The following AQP1 variants were observed in gnomAD, a reference collection of about 807,000 sequenced individuals.
AQP1 encodes aquaporin 1 (Colton blood group).
In AQP1, 11 loss-of-function variants were observed where a neutral mutation model predicts 19.7. The ratio of observed to expected loss-of-function variants is 0.56; its 90% CI spans 0.35 to 0.92. The LOEUF (loss-of-function observed/expected upper bound fraction) is 0.92. Ranked by LOEUF, AQP1 falls within the 40% of genes least tolerant of loss-of-function variation. The pLI, the probability that AQP1 is intolerant of heterozygous loss-of-function variation, is 0.01. For synonymous variants in AQP1, 159 were observed against 166.7 expected, an observed-to-expected ratio of 0.95 and a Z score of 0.36; for missense variants, 320 against 369.7, an observed-to-expected ratio of 0.87 and a Z score of 1.10.
At position 30,919,123 on chromosome 7, in the gene AQP1, G is replaced by C. The variant is rs572754303; in HGVS notation, c.385-2943G>C. On this transcript the variant is annotated intron_variant, in intron 1 of 3. Transcript: ENST00000311813. ...CAAGGGTGGGAGTTCTAGAAAATTA[G>C]CATTCTCTGCCACTTCTATCAGCAC... Among the ~76,000 whole-genome samples the C allele has an allele frequency of 3.3e-4, 51 of 152,326 alleles. 1 individual carries two copies. The East Asian group carries it at 9.3e-3, about 28-fold the overall frequency.
rs1179098928 is a variant in AQP1, at chr7:30,923,689, G to GA, written c.*61dup. The GA allele has an allele frequency of 6.6e-7, 1 of 1,521,060 alleles. No individual in the cohort carries two copies. Among genetic ancestry groups the GA allele is most frequent in the Non-Finnish European group, 8.8e-7 (1 of 1,132,574 alleles). The allele number at this position is 1,521,060 out of a possible 1,614,324, so 94.2% of individuals were successfully genotyped here. ...GGGGCAGGGGCGGGCGGAGGGAGGG[G>GA]AGGGGTGAAATCCATACTGTAGACA... is the stretch of plus-strand genomic sequence containing the variant. On this transcript the variant is annotated 3_prime_UTR_variant, in exon 4 of 4. Transcript: ENST00000311813. This position sits in a 1 kb window ranked among gnomAD's most constrained non-coding sequence, Gnocchi z 4.8.
In AQP1 at chr7:30,912,388, G is replaced by A. The variant is rs906845763; in HGVS notation, c.384+95G>A. Reference sequence around the variant, plus strand: ...CCCATTGTGCAGATGGGGACACTGAGGAACGGAGAGGACAAGAGGTTGCTG... The same window carrying A: ...CCCATTGTGCAGATGGGGACACTGAAGAACGGAGAGGACAAGAGGTTGCTG... On this transcript the variant is annotated intron_variant, in intron 1 of 3. Transcript: ENST00000311813. This position sits in a 1 kb window ranked among gnomAD's most constrained non-coding sequence, Gnocchi z 4.3. 2.0e-6 allele frequency: 3 copies of A among 1,524,026 alleles called. No homozygotes were observed. The highest frequency in any genetic ancestry group is 1.2e-5 in the South Asian group (1 of 80,756). The allele number at this position is 1,524,026 out of a possible 1,614,324, so 94.4% of individuals were successfully genotyped here.
chr7:30,917,196 A>C (rs1244433727), intron 1 of AQP1, among the ~76,000 whole-genome samples: 1 of 152,212 alleles, frequency 6.6e-6, no homozygotes, highest in African/African-American at 2.4e-5. Flanking sequence ...CAAAGTGTAC[A>C]CACATGGCAC....
At position 30,922,568 on chromosome 7, in the gene AQP1, A is replaced by G; in HGVS notation, c.554A>G (p.Asp185Gly). 6.2e-7 allele frequency: 1 copy of G among 1,613,798 alleles called. No individual in the cohort carries two copies. Among genetic ancestry groups the G allele is most frequent in the Non-Finnish European group, 8.5e-7 (1 of 1,179,878 alleles). Reference protein sequence around the residue: ...SVALGHLLAIDYTGCGINPAR... With the variant: ...SVALGHLLAIGYTGCGINPAR... ...CTCTGTTTCTTTCCCTCACAGATTG[A>G]CTACACTGGCTGTGGGATTAACCCT... Residue 185 changes from aspartate (D) to glycine (G), a missense_variant, in exon 3 of 4, where the codon GAC becomes GGC. By Grantham distance (94) the Asp-to-Gly change is moderately conservative. Coordinates refer to ENST00000311813, the MANE Select transcript of AQP1 (RefSeq NM_198098.4).
At position 30,920,131 on chromosome 7, in the gene AQP1, T is replaced by G. The variant is rs948329017; in HGVS notation, c.385-1935T>G. ...AGAACCAGAGGAGATGAGCTCTTTC[T>G]GGTCACATCTGTGAGGGATGGGGCT... On this transcript the variant is annotated intron_variant, in intron 1 of 3. Transcript: ENST00000311813. Among the ~76,000 whole-genome samples the G allele has an allele frequency of 2.6e-5, 4 of 152,282 alleles. No homozygotes were observed. The East Asian group carries it at 7.7e-4, about 29-fold the overall frequency.
chr7:30,921,192 G>A (rs2128590404), intron 1 of AQP1: 3 of 886,280 alleles, frequency 3.4e-6, no homozygotes, highest in East Asian at 1.5e-4. Context: ...CATAGTGGAA[G>A]GTGCTGGGGC....
Position 30,922,229 on chromosome 7 carries a change from C to G in AQP1, c.548C>G (p.Ala183Gly). 1 of 1,595,058 alleles carries G rather than the reference C, an allele frequency of 6.3e-7. No individual in the cohort carries two copies. The highest frequency in any genetic ancestry group is 1.1e-5 in the South Asian group (1 of 90,052). ...TCTGTAGCCCTTGGACACCTCCTGG[C>G]TGTGAGTCAGGGGCCCTCCCAGATG... is the stretch of plus-strand genomic sequence containing the variant. ...GLSVALGHLL[A>G]IDYTGCGINP... Residue 183 changes from alanine (A) to glycine (G), a missense_variant and splice_region_variant, in exon 2 of 4, where the codon GCT becomes GGT. Transcript: ENST00000311813.
At chr7:30,915,423 G>A (rs1395877768) in intron 1 of AQP1, among the ~76,000 whole-genome samples, 10 of 152,182 alleles carry the variant, frequency 6.6e-5, no homozygotes, top group Non-Finnish European at 1.5e-4. Flanking sequence ...AGGAGGTTTC[G>A]TAGGAGCCTG....
rs755354795 is a variant in AQP1, at chr7:30,911,929, A to G, written c.20A>G (p.Lys7Arg). Reference protein sequence around the residue: MASEFKKKLFWRAVVAE... With the variant: MASEFKRKLFWRAVVAE... ...GCCAGCATGGCCAGCGAGTTCAAGAAGAAGCTCTTCTGGAGGGCAGTGGTG... is the reference window on the plus strand; with the variant it reads ...GCCAGCATGGCCAGCGAGTTCAAGAGGAAGCTCTTCTGGAGGGCAGTGGTG... The change falls in exon 1 of 4, where the codon AAG (lysine) becomes AGG (arginine). Residue 7 changes from lysine to arginine, a missense_variant. Physicochemically the swap from Lys to Arg is conservative, Grantham distance 26. Coordinates refer to ENST00000311813, the MANE Select transcript of AQP1 (RefSeq NM_198098.4). 5.0e-6 allele frequency: 8 copies of G among 1,613,360 alleles called. No individual in the cohort carries two copies. In the South Asian group the frequency reaches 8.8e-5, roughly 18 times the overall value.
rs777773161 is a variant in AQP1, at chr7:30,911,952, G to A, written c.43G>A (p.Val15Met). The change falls in exon 1 of 4, where the codon GTG becomes ATG. Residue 15 changes from valine (V) to methionine (M), a missense_variant. Transcript: ENST00000311813. ...GAAGAAGCTCTTCTGGAGGGCAGTG[G>A]TGGCCGAGTTCCTGGCCACGACCCT... ...FKKKLFWRAVVAEFLATTLFV... is the reference protein window; with the variant it reads ...FKKKLFWRAVMAEFLATTLFV... The A allele has an allele frequency of 1.2e-6, 2 of 1,613,486 alleles. No individual in the cohort carries two copies. The highest frequency in any genetic ancestry group is 3.3e-4 in the Middle Eastern group (2 of 6,060).
intron 1 of AQP1, among the ~76,000 whole-genome samples, chr7:30,918,772 A>G (rs1791421951): frequency 6.6e-6 from 1 of 152,210 alleles, no homozygotes; most frequent in South Asian, 2.1e-4. Context: ...GGGCTGCCCT[A>G]GAGCCAGGAC....
chr7:30,923,891 A>G lies in AQP1; in HGVS notation c.*262A>G. ...CTTGAAGTTGTGGAGGAGGTGAAAG[A>G]AAGGGACCCACCTGCTAGTCGCCCC... On this transcript the variant is annotated 3_prime_UTR_variant, in exon 4 of 4. Coordinates refer to ENST00000311813, the MANE Select transcript of AQP1 (RefSeq NM_198098.4). This position sits in a 1 kb window ranked among gnomAD's most constrained non-coding sequence, Gnocchi z 4.8. 3.4e-6 allele frequency: 5 copies of G among 1,483,888 alleles called. No individual in the cohort carries two copies. The highest frequency in any genetic ancestry group is 4.5e-6 in the Non-Finnish European group (5 of 1,108,782). 91.9% of individuals were successfully genotyped at this position (1,483,888 alleles called of 1,614,324 possible).
chr7:30,919,664 C>T (rs1249162076), intron 1 of AQP1, among the ~76,000 whole-genome samples: 1 of 150,902 alleles, frequency 6.6e-6, no homozygotes, highest in East Asian at 1.9e-4. Context: ...ACAATGGGAA[C>T]TGTCCTTGTT....
intron 2 of AQP1, 78 bp from the exon 3 acceptor site, chr7:30,922,486 C>G: frequency 6.9e-7 from 1 of 1,453,904 alleles, no homozygotes; most frequent in Non-Finnish European, 9.7e-7. Flanking sequence ...TTTCTCCCTC[C>G]AACCTCTCCC....
chr7:30,922,522 A>T (rs28362735), intron 2 of AQP1, 42 bp from the exon 3 acceptor site: 4 of 1,563,300 alleles, frequency 2.6e-6, no homozygotes, highest in Non-Finnish European at 3.5e-6. Flanking sequence ...TTCACCTATG[A>T]CTCTCTGCCT....
At position 30,924,379 on chromosome 7, in the gene AQP1, C is replaced by T. The variant is rs1280665842; in HGVS notation, c.*750C>T. ...GACTGTCGCCACACGCCTCTGTGTA[C>T]ATGTGTGCAGAGCAGACAGGCTACA... On this transcript the variant is annotated 3_prime_UTR_variant, in exon 4 of 4. Coordinates refer to ENST00000311813, the MANE Select transcript of AQP1 (RefSeq NM_198098.4). 5.9e-6 allele frequency: 1 copy of T among 168,340 alleles called. No individual in the cohort carries two copies. Among genetic ancestry groups the T allele is most frequent in the Non-Finnish European group, 1.3e-5 (1 of 77,054 alleles). The allele number at this position is 168,340 out of a possible 1,614,324, so 10.4% of individuals were successfully genotyped here. A position where few individuals can be genotyped will look rare whatever the true frequency, so the allele number is the denominator to read the frequency against.
At chr7:30,915,437 G>A (rs1016359218) in intron 1 of AQP1, among the ~76,000 whole-genome samples, 4 of 152,206 alleles carry the variant, frequency 2.6e-5, no homozygotes, top group African/African-American at 4.8e-5. Context: ...GAGCCTGAAT[G>A]TGGAGACACT....
chr7:30,919,617 G>A (rs1435400896), intron 1 of AQP1, among the ~76,000 whole-genome samples: 1 of 149,396 alleles, frequency 6.7e-6, no homozygotes, highest in Non-Finnish European at 1.5e-5. Flanking sequence ...CTGGGGATGT[G>A]CAAATATATA....
chr7:30,924,258 G>A lies in AQP1; in HGVS notation c.*629G>A. 2.3e-6 allele frequency: 1 copy of A among 441,222 alleles called. No individual in the cohort carries two copies. Among genetic ancestry groups the A allele is most frequent in the Non-Finnish European group, 3.4e-6 (1 of 291,414 alleles). 27.3% of individuals were successfully genotyped at this position (441,222 alleles called of 1,614,324 possible). A position where few individuals can be genotyped will look rare whatever the true frequency, so the allele number is the denominator to read the frequency against. On this transcript the variant is annotated 3_prime_UTR_variant, in exon 4 of 4. Coordinates refer to ENST00000311813, the MANE Select transcript of AQP1 (RefSeq NM_198098.4). ...GGGACCGGCAGAGCTCTACAGGCCT[G>A]CAGCCCCTAAGTGCAAACACAGCAT... is the stretch of plus-strand genomic sequence containing the variant.
Sources: gnomAD v4.1 joint callset for allele counts (sites outside exome capture counted in the v4.1 genomes callset) on GRCh38, gnomAD v4.1.1 for gene constraint, Gnocchi (gnomAD v3.1) non-coding constraint, MANE v1.5 for transcripts, NCBI Gene and HGNC (gene_info 2026-07-23, HGNC 2026-07-21) for gene names.